Variants in PRRC2B observed in about 807,000 individuals in gnomAD.
PRRC2B encodes the protein protein PRRC2B.
A neutral mutation model predicts 242.3 loss-of-function variants in PRRC2B; 68 were observed. The ratio of observed to expected loss-of-function variants is 0.28; its 90% CI spans 0.23 to 0.34. The LOEUF (loss-of-function observed/expected upper bound fraction) is 0.34, where lower values mean the gene tolerates loss of function less well. Ranked by LOEUF, PRRC2B falls within the 10% of genes least tolerant of loss-of-function variation. The pLI, the probability that PRRC2B is intolerant of heterozygous loss-of-function variation, is 1.00. For missense variants in PRRC2B, 2,835 were observed against 2,954.8 expected, an observed-to-expected ratio of 0.96 and a Z score of 0.94; for synonymous variants, 1,228 against 1,173.6, an observed-to-expected ratio of 1.05 and a Z score of -0.95.
At chr9:131,408,623 T>A (rs1277511197) in intron 1 of PRRC2B, among the ~76,000 whole-genome samples, 2 of 152,244 alleles carry the variant, frequency 1.3e-5, no homozygotes, top group Non-Finnish European at 2.9e-5. Flanking sequence ...AGACCATGAC[T>A]GCTAATATGA....
chr9:131,488,134 T>G lies in PRRC2B; in HGVS notation c.6225+38T>G, dbSNP rs770493738. The G allele has an allele frequency of 4.4e-6, 7 of 1,588,818 alleles. No individual in the cohort carries two copies. The Admixed American group carries it at 8.6e-5, about 20-fold the overall frequency. ...GTCACTCTACCCAAAGCCCTAGGCT[T>G]CTTTCCTTCACGACCTTGCCTTTTC... On this transcript the variant is annotated intron_variant, in intron 28 of 31. Transcript: ENST00000683519.
In PRRC2B at chr9:131,477,897, G is replaced by A. The variant is rs375814651; in HGVS notation, c.4560G>A (p.Pro1520=). 870 of 1,613,922 alleles carry A rather than the reference G, an allele frequency of 5.4e-4. No individual in the cohort carries two copies. Among genetic ancestry groups the A allele is most frequent in the Non-Finnish European group, 7.2e-4 (845 of 1,179,902 alleles). Reference sequence around the variant, plus strand: ...AGAAGGAGGCCAAGTTGGCTGCTCCGAGGGCAGGTGAACAGGGAGAGGCCA... The same window carrying A: ...AGAAGGAGGCCAAGTTGGCTGCTCCAAGGGCAGGTGAACAGGGAGAGGCCA... ...KAEKEAKLAA[P]RAGEQGEAMK... Residue 1520 remains proline (P), a synonymous_variant, in exon 17 of 32, where the codon CCG becomes CCA. Transcript: ENST00000683519.
intron 1 of PRRC2B, among the ~76,000 whole-genome samples, chr9:131,403,286 G>T (rs562977390): frequency 1.3e-5 from 2 of 152,096 alleles, no homozygotes; most frequent in Non-Finnish European, 2.9e-5. Flanking sequence ...GTATTTTCTG[G>T]TTTTTTGTTT....
At chr9:131,477,304 C>G (rs1943731857) in intron 16 of PRRC2B, among the ~76,000 whole-genome samples, 3 of 152,300 alleles carry the variant, frequency 2.0e-5, no homozygotes, top group African/African-American at 7.2e-5. Context: ...GAAGGAGCCA[C>G]AGGGAACACC....
chr9:131,442,102 TC>T (rs1243420135), intron 5 of PRRC2B, among the ~76,000 whole-genome samples: 2 of 152,188 alleles, frequency 1.3e-5, no homozygotes, highest in African/African-American at 4.8e-5. Context: ...CTGGTTTTTT[TC>T]CTAATTTCAA....
chr9:131,490,923 G>T, intron 28 of PRRC2B: 1 of 297,084 alleles, frequency 3.4e-6, no homozygotes, highest in Non-Finnish European at 6.7e-6. Context: ...CCATAAATCT[G>T]GTGTGCACCC....
At chr9:131,398,882 G>A (rs551851718) in intron 1 of PRRC2B, among the ~76,000 whole-genome samples, 3 of 152,330 alleles carry the variant, frequency 2.0e-5, no homozygotes, top group East Asian at 3.9e-4. Flanking sequence ...GGAGGCTGAA[G>A]CAGGAGGATC....
intron 1 of PRRC2B, among the ~76,000 whole-genome samples, chr9:131,399,439 C>T (rs987983644): frequency 5.3e-5 from 8 of 151,194 alleles, no homozygotes; most frequent in African/African-American, 1.2e-4. Context: ...ATTAGCCGGG[C>T]GTGGTGGCGG....
intron 20 of PRRC2B, 92 bp downstream of exon 20, chr9:131,481,900 A>C (rs1943881657): frequency 8.7e-7 from 1 of 1,146,646 alleles, no homozygotes; most frequent in African/African-American, 1.5e-5. Context: ...TGGCCCACCC[A>C]AGCCCCTGCC....
At chr9:131,381,827 C>T (rs1321586403) in intron 1 of PRRC2B, among the ~76,000 whole-genome samples, 1 of 152,066 alleles carries the variant, frequency 6.6e-6, no homozygotes, top group Admixed American at 6.6e-5. Flanking sequence ...GCAACCTCTG[C>T]CTCCCAGGTT....
At chr9:131,387,059 T>C (rs1836835848) in intron 1 of PRRC2B, among the ~76,000 whole-genome samples, 1 of 149,828 alleles carries the variant, frequency 6.7e-6, no homozygotes, top group East Asian at 2.0e-4. Flanking sequence ...TGGAGTGCAA[T>C]GGCACGATCT....
At chr9:131,430,531 C>A (rs559158960) in intron 2 of PRRC2B, among the ~76,000 whole-genome samples, 35 of 133,124 alleles carry the variant, frequency 2.6e-4, no homozygotes, top group African/African-American at 7.2e-4. Context: ...AGATAGATAT[C>A]TATCTATAGA....
chr9:131,405,862 C>T (rs1021145609), intron 1 of PRRC2B, among the ~76,000 whole-genome samples: 1 of 152,184 alleles, frequency 6.6e-6, no homozygotes, highest in Non-Finnish European at 1.5e-5. Context: ...TTGGGGTCAG[C>T]TGCCTTCAAG....
At chr9:131,382,583 C>T (rs766938006) in intron 1 of PRRC2B, among the ~76,000 whole-genome samples, 4 of 151,946 alleles carry the variant, frequency 2.6e-5, no homozygotes, top group Non-Finnish European at 5.9e-5. Flanking sequence ...TGTGCAAGGG[C>T]CCCCTGCTGC....
At chr9:131,432,590 G>A in intron 2 of PRRC2B, 27 bp from the exon 3 acceptor site, 1 of 1,606,076 alleles carries the variant, frequency 6.2e-7, no homozygotes, top group Non-Finnish European at 8.5e-7. Flanking sequence ...TTTGCATGGT[G>A]TCTGTTCCAT....
In PRRC2B at chr9:131,482,289, GTC is replaced by G; in HGVS notation, c.4984-78_4984-77del. The G allele has an allele frequency of 7.0e-7, 1 of 1,438,382 alleles. No individual in the cohort carries two copies. Among genetic ancestry groups the G allele is most frequent in the Non-Finnish European group, 9.4e-7 (1 of 1,063,694 alleles). The allele number at this position is 1,438,382 out of a possible 1,614,324, so 89.1% of individuals were successfully genotyped here. On this transcript the variant is annotated intron_variant, in intron 20 of 31. Coordinates refer to ENST00000683519, the MANE Select transcript of PRRC2B (RefSeq NM_013318.4). This position sits in a 1 kb window ranked among gnomAD's most constrained non-coding sequence, Gnocchi z 5.2. ...AGGGACAGGCAGCTGGGGTAGAAAA[GTC>G]TCTGTGCCACATGCAGTTTTACTCT...
intron 29 of PRRC2B, 125 bp from the exon 30 acceptor site, chr9:131,492,044 T>TATA: frequency 2.7e-6 from 2 of 742,766 alleles, no homozygotes; most frequent in South Asian, 3.2e-5. Flanking sequence ...ACCACTGCTC[T>TATA]ATAAGATGCC....
intron 1 of PRRC2B, among the ~76,000 whole-genome samples, chr9:131,422,447 G>T (rs1310170367): frequency 6.6e-6 from 1 of 152,186 alleles, no homozygotes; most frequent in Admixed American, 6.5e-5. Context: ...TGTTATGAAG[G>T]GGAGTAGAGC....
At chr9:131,394,956 TG>T (rs55909039) in intron 1 of PRRC2B, among the ~76,000 whole-genome samples, 124,722 of 143,076 alleles carry the variant, frequency 0.87, 54,356 homozygotes, top group South Asian at 0.96. Context: ...GCCTGCCAGA[TG>T]GGGTTTTTTT....
Sources: allele counts gnomAD v4.1 joint callset (sites outside exome capture counted in the v4.1 genomes callset), GRCh38; gene constraint gnomAD v4.1.1; non-coding constraint Gnocchi (gnomAD v3.1); transcripts MANE v1.5; gene names NCBI Gene and HGNC (gene_info 2026-07-23, HGNC 2026-07-21).